Variants in SH3PXD2A observed in about 807,000 individuals in gnomAD.
The protein encoded by SH3PXD2A is SH3 and PX domain-containing protein 2A.
Under a neutral mutation model 115.2 loss-of-function variants are expected in SH3PXD2A, and 32 were observed. That is an observed-to-expected ratio of 0.28 (90% confidence interval 0.21 to 0.37). SH3PXD2A has a LOEUF of 0.37. Among genes scored for constraint, SH3PXD2A ranks in the 10% least tolerant of loss-of-function variants. The pLI, the probability that SH3PXD2A is intolerant of heterozygous loss-of-function variation, is 1.00. For missense variants in SH3PXD2A, 1,328 were observed against 1,498.7 expected (o/e 0.89, Z 1.88); for synonymous variants, 610 against 629.1 (o/e 0.97, Z 0.45).
At chr10:103,804,476 C>T (rs2039181111) in intron 1 of SH3PXD2A, among the ~76,000 whole-genome samples, 1 of 151,882 alleles carries the variant, frequency 6.6e-6, no homozygotes. Context: ...CACCCGCCAC[C>T]ACGCCCGGCT....
chr10:103,734,160 G>A (rs1338149931), intron 4 of SH3PXD2A, among the ~76,000 whole-genome samples: 1 of 152,178 alleles, frequency 6.6e-6, no homozygotes, highest in Non-Finnish European at 1.5e-5. Context: ...TGGGCACCGG[G>A]ATTCGACTCC....
chr10:103,661,557 G>C (rs2134055037), intron 7 of SH3PXD2A: 1 of 704,876 alleles, frequency 1.4e-6, no homozygotes, highest in African/African-American at 1.9e-5. Flanking sequence ...CCAGCGGGTG[G>C]GCGGCCCATG....
At chr10:103,844,025 G>A (rs1012427876) in intron 1 of SH3PXD2A, among the ~76,000 whole-genome samples, 2 of 152,162 alleles carry the variant, frequency 1.3e-5, no homozygotes, top group Non-Finnish European at 2.9e-5. Context: ...AAAAACATGA[G>A]GCTGCTTGCT....
chr10:103,654,040 C>T (rs554659827), intron 8 of SH3PXD2A, among the ~76,000 whole-genome samples: 2 of 152,138 alleles, frequency 1.3e-5, no homozygotes, highest in African/African-American at 4.8e-5. Flanking sequence ...CCTTCATTCT[C>T]CCAGCCCTGC....
intron 4 of SH3PXD2A, among the ~76,000 whole-genome samples, chr10:103,731,095 AG>A (rs2038313689): frequency 6.7e-6 from 1 of 149,276 alleles, no homozygotes; most frequent in Non-Finnish European, 1.5e-5. Context: ...CAGCCCACAC[AG>A]GGCCCAGCTG....
At chr10:103,607,285 G>T (rs2036331262) in intron 13 of SH3PXD2A, among the ~76,000 whole-genome samples, 1 of 151,770 alleles carries the variant, frequency 6.6e-6, no homozygotes, top group African/African-American at 2.4e-5. Context: ...GAAGTGAGGA[G>T]CCCCTCCGCC....
chr10:103,851,971 G>C (rs541805414), intron 1 of SH3PXD2A, among the ~76,000 whole-genome samples: 2 of 152,162 alleles, frequency 1.3e-5, no homozygotes, highest in Admixed American at 6.5e-5. Flanking sequence ...CAAAGAACCC[G>C]GTGGACCTGA....
rs111347075 is a variant in SH3PXD2A, at chr10:103,622,034, C to A, written c.802+436G>T. 2.0e-4 allele frequency among the ~76,000 whole-genome samples: 31 copies of A among 152,290 alleles called. 1 individual carries two copies. Among genetic ancestry groups the A allele is most frequent in the African/African-American group, 7.5e-4 (31 of 41,548 alleles). ...CTTTGTTCCCAAGAAACTGATAGAA[C>A]AACTTTGGCCGAGGGAGCATTTTCT... On this transcript the variant is annotated intron_variant, in intron 10 of 14. Transcript: ENST00000369774.
At chr10:103,608,430 GAAAAAAAAA>G (rs953168200) in intron 13 of SH3PXD2A, among the ~76,000 whole-genome samples, 1 of 85,328 alleles carries the variant, frequency 1.2e-5, no homozygotes, top group South Asian at 3.9e-4. Flanking sequence ...TCCATGTCAA[GAAAAAAAAA>G]AAAAAAAAAA....
intron 3 of SH3PXD2A, chr10:103,755,054 C>T (rs1241501630): frequency 6.6e-6 from 1 of 152,180 alleles, no homozygotes; most frequent in East Asian, 1.9e-4. Context: ...CAAGTGTCTG[C>T]ATTTCCAACA....
At chr10:103,779,046 C>T (rs1337796484) in intron 2 of SH3PXD2A, among the ~76,000 whole-genome samples, 2 of 152,184 alleles carry the variant, frequency 1.3e-5, no homozygotes, top group African/African-American at 4.8e-5. Context: ...AGTCACAGAA[C>T]CTGAGGCATG....
chr10:103,671,769 G>T (rs578068614), intron 6 of SH3PXD2A, among the ~76,000 whole-genome samples: 19 of 152,186 alleles, frequency 1.2e-4, no homozygotes, highest in African/African-American at 3.1e-4. Flanking sequence ...AGGAGCAGTG[G>T]GGGGGAGGCG....
At chr10:103,845,053 G>A (rs1842828994) in intron 1 of SH3PXD2A, among the ~76,000 whole-genome samples, 1 of 152,056 alleles carries the variant, frequency 6.6e-6, no homozygotes, top group Non-Finnish European at 1.5e-5. Flanking sequence ...GCTGGGCGTG[G>A]TGGCTCACAC....
intron 4 of SH3PXD2A, among the ~76,000 whole-genome samples, chr10:103,728,561 G>A (rs1046195813): frequency 2.0e-5 from 3 of 152,208 alleles, no homozygotes; most frequent in Non-Finnish European, 4.4e-5. Flanking sequence ...AGAACTCCCT[G>A]ATGAGGTGAA....
intron 1 of SH3PXD2A, among the ~76,000 whole-genome samples, chr10:103,825,925 G>A (rs1348484521): frequency 6.6e-6 from 1 of 151,980 alleles, no homozygotes; most frequent in Non-Finnish European, 1.5e-5. Flanking sequence ...CACCACGCCC[G>A]GCTAATTTTT....
chr10:103,779,101 C>T (rs998676437), intron 2 of SH3PXD2A, among the ~76,000 whole-genome samples: 2 of 152,170 alleles, frequency 1.3e-5, no homozygotes, highest in African/African-American at 4.8e-5. Flanking sequence ...TGGAGTCTTG[C>T]TCCGTCGCCC....
intron 7 of SH3PXD2A, chr10:103,662,040 C>T (rs1024241977): frequency 3.8e-6 from 3 of 793,236 alleles, no homozygotes; most frequent in Admixed American, 6.2e-5. Flanking sequence ...AGAGAGGGCC[C>T]TCTGGCTGCA....
intron 4 of SH3PXD2A, among the ~76,000 whole-genome samples, chr10:103,735,454 T>G (rs2038368769): frequency 6.6e-6 from 1 of 152,236 alleles, no homozygotes; most frequent in Non-Finnish European, 1.5e-5. Context: ...CTGAGCTCAG[T>G]TCACTTCCCA....
chr10:103,702,585 C>CTGTGTGTGTGCGTGTGTGTG (rs1554913244), intron 5 of SH3PXD2A, among the ~76,000 whole-genome samples: 155 of 33,002 alleles, frequency 4.7e-3, no homozygotes, highest in African/African-American at 0.016. Flanking sequence ...AGATGTAAGC[C>CTGTGTGTGTGCGTGTGTGTG]TGTGTGTGTG....
Sources: allele counts gnomAD v4.1 joint callset (sites outside exome capture counted in the v4.1 genomes callset), GRCh38; gene constraint gnomAD v4.1.1; transcripts MANE v1.5; gene names NCBI Gene and HGNC (gene_info 2026-07-23, HGNC 2026-07-21).